The following SMYD3 variants were observed in gnomAD, a reference collection of about 807,000 sequenced individuals.
The protein encoded by SMYD3 is histone-lysine N-methyltransferase SMYD3.
Under a neutral mutation model 57.7 loss-of-function variants are expected in SMYD3, and 36 were observed. The ratio of observed to expected loss-of-function variants is 0.62; its 90% CI spans 0.48 to 0.82. The LOEUF is 0.82. SMYD3 is among the 40% of genes least tolerant of loss of function. The pLI is 0.00. For missense variants in SMYD3, 515 were observed against 538.8 expected (o/e 0.96, Z 0.44); for synonymous variants, 211 against 195.0 (o/e 1.08, Z -0.68).
At chr1:246,183,881 A>C (rs1383645456) in intron 5 of SMYD3, among the ~76,000 whole-genome samples, 1 of 152,220 alleles carries the variant, frequency 6.6e-6, no homozygotes, top group African/African-American at 2.4e-5. Context: ...TAGAAACAGC[A>C]GTGTTTACAC....
intron 5 of SMYD3, among the ~76,000 whole-genome samples, chr1:246,304,460 A>C (rs1460666549): frequency 6.6e-6 from 1 of 152,242 alleles, no homozygotes; most frequent in Non-Finnish European, 1.5e-5. Flanking sequence ...TATTTCTCTG[A>C]ACATTAGTAA....
intron 5 of SMYD3, among the ~76,000 whole-genome samples, chr1:245,934,822 G>T (rs2056910150): frequency 1.3e-5 from 2 of 152,272 alleles, no homozygotes; most frequent in East Asian, 1.9e-4. Context: ...CCAGGAAGTT[G>T]CTGGAGGGTC....
chr1:246,425,992 A>G (rs1052589109), intron 1 of SMYD3: 5 of 151,872 alleles, frequency 3.3e-5, no homozygotes, highest in Non-Finnish European at 4.4e-5. Flanking sequence ...CTCTTCGATT[A>G]TATCTCTTTT....
At chr1:246,038,639 A>AAATCACCC (rs2059818631) in intron 5 of SMYD3, among the ~76,000 whole-genome samples, 1 of 152,186 alleles carries the variant, frequency 6.6e-6, no homozygotes, top group African/African-American at 2.4e-5. Context: ...AAAATTTCAC[A>AAATCACCC]AATCACCCAT....
intron 1 of SMYD3, among the ~76,000 whole-genome samples, chr1:246,417,610 T>G (rs2067082926): frequency 6.6e-6 from 1 of 152,068 alleles, no homozygotes; most frequent in African/African-American, 2.4e-5. Flanking sequence ...ATGGCATCAG[T>G]CAGTTTACCA....
chr1:246,453,612 T>C (rs1193383192), intron 1 of SMYD3, among the ~76,000 whole-genome samples: 2 of 152,160 alleles, frequency 1.3e-5, no homozygotes, highest in Non-Finnish European at 2.9e-5. Flanking sequence ...AAGCGAGGTA[T>C]TCAAAAGGTA....
chr1:245,912,104 G>C (rs186057110), intron 8 of SMYD3, among the ~76,000 whole-genome samples: 1 of 152,070 alleles, frequency 6.6e-6, no homozygotes, highest in Admixed American at 6.5e-5. Flanking sequence ...CTTATATACG[G>C]AGAAACTAAA....
At position 246,317,556 on chromosome 1, in the gene SMYD3, A is replaced by G. The variant is rs186329184; in HGVS notation, c.531+9645T>C. 5.9e-5 allele frequency among the ~76,000 whole-genome samples: 9 copies of G among 152,296 alleles called. No homozygotes were observed. The East Asian group carries it at 1.7e-3, about 29-fold the overall frequency. On this transcript the variant is annotated intron_variant, in intron 5 of 11. Transcript: ENST00000490107. ...CATGAAAAATCAGTGTTCAGTGTCA[A>G]TGTTTCTTTGGTATACAGCCACACC...
chr1:245,835,887 G>T (rs4654129), intron 10 of SMYD3, among the ~76,000 whole-genome samples: 1 of 152,106 alleles, frequency 6.6e-6, no homozygotes, highest in Non-Finnish European at 1.5e-5. Flanking sequence ...GTTCTCCGTC[G>T]ACGTGACTTG....
At chr1:246,341,405 T>C (rs1005308190) in intron 2 of SMYD3, among the ~76,000 whole-genome samples, 3 of 152,232 alleles carry the variant, frequency 2.0e-5, no homozygotes, top group Non-Finnish European at 4.4e-5. Context: ...ATTCTTTTAT[T>C]AGTTTGGCTA....
chr1:246,158,368 T>C (rs1480350802), intron 5 of SMYD3, among the ~76,000 whole-genome samples: 1 of 152,206 alleles, frequency 6.6e-6, no homozygotes, highest in African/African-American at 2.4e-5. Context: ...TGACACAAAG[T>C]CATTGAGATA....
intron 5 of SMYD3, among the ~76,000 whole-genome samples, chr1:245,968,281 T>C: frequency 7.0e-6 from 1 of 143,158 alleles, no homozygotes; most frequent in South Asian, 2.3e-4. Flanking sequence ...ATAACCCCCA[T>C]CTACTGAGAC....
At chr1:246,374,845 C>T (rs1018806947) in intron 1 of SMYD3, among the ~76,000 whole-genome samples, 3 of 140,318 alleles carry the variant, frequency 2.1e-5, no homozygotes, top group African/African-American at 8.2e-5. Context: ...GTTATCCCAG[C>T]AGTTTGGGGG....
intron 8 of SMYD3, among the ~76,000 whole-genome samples, chr1:245,884,936 T>C (rs1415908111): frequency 2.0e-5 from 3 of 152,160 alleles, no homozygotes; most frequent in Non-Finnish European, 2.9e-5. Flanking sequence ...CCTTCCACGC[T>C]GTGGAAGCTT....
intron 5 of SMYD3, among the ~76,000 whole-genome samples, chr1:246,105,577 T>C (rs1420634139): frequency 6.6e-6 from 1 of 152,108 alleles, no homozygotes; most frequent in Non-Finnish European, 1.5e-5. Flanking sequence ...ATGTCTACAA[T>C]TTGGAAAGAA....
intron 1 of SMYD3, among the ~76,000 whole-genome samples, chr1:246,487,404 G>A (rs2068205325): frequency 6.6e-6 from 1 of 151,976 alleles, no homozygotes; most frequent in Non-Finnish European, 1.5e-5. Context: ...AGGTTGCAGT[G>A]AGCCGAGATT....
intron 5 of SMYD3, among the ~76,000 whole-genome samples, chr1:246,277,086 AAAT>A (rs1388581632): frequency 1.3e-5 from 2 of 152,268 alleles, no homozygotes; most frequent in Non-Finnish European, 2.9e-5. Context: ...AGCACATGGT[AAAT>A]AATATGTTTA....
chr1:245,925,524 G>C (rs1266113897), intron 7 of SMYD3, among the ~76,000 whole-genome samples: 2 of 152,128 alleles, frequency 1.3e-5, no homozygotes, highest in Non-Finnish European at 2.9e-5. Flanking sequence ...TTGGGGGATG[G>C]CTACAGGCAT....
intron 10 of SMYD3, among the ~76,000 whole-genome samples, chr1:245,822,021 A>T (rs989456913): frequency 5.9e-5 from 9 of 152,184 alleles, no homozygotes; most frequent in African/African-American, 2.2e-4. Flanking sequence ...TAGAAATACC[A>T]TTTGACCCAG....
Sources: gnomAD v4.1 joint callset for allele counts (sites outside exome capture counted in the v4.1 genomes callset) on GRCh38, gnomAD v4.1.1 for gene constraint, MANE v1.5 for transcripts, NCBI Gene and HGNC (gene_info 2026-07-23, HGNC 2026-07-21) for gene names.